IKZF1: variants seen among roughly 807,000 people sequenced by gnomAD.
The protein encoded by IKZF1 is DNA-binding protein Ikaros.
IKZF1 carries 10 observed loss-of-function variants against 51.7 expected under a neutral mutation model. The observed-to-expected ratio is 0.19, with a 90% confidence interval of 0.12 to 0.33. The LOEUF is 0.33. Ranked by LOEUF, IKZF1 falls within the 10% of genes least tolerant of loss-of-function variation. The pLI, the probability that IKZF1 is intolerant of heterozygous loss-of-function variation, is 1.00. For missense variants in IKZF1, 484 were observed against 707.5 expected (o/e 0.68, Z 3.58); for synonymous variants, 280 against 282.3 (o/e 0.99, Z 0.08).
chr7:50,376,201 G>A lies in IKZF1; in HGVS notation c.161-332G>A, dbSNP rs1810237497. On this transcript the variant is annotated intron_variant, in intron 3 of 7. Transcript: ENST00000331340. The surrounding 1 kb of genome is among the most constrained non-coding windows in gnomAD (Gnocchi z 4.5). The stretch of plus-strand genomic sequence containing the variant: ...TAGGAGTAGGCCTCAGACCACTCCT[G>A]ACGTGAACCTGCTTAAAGTGAGGGC... 6.6e-6 allele frequency among the ~76,000 whole-genome samples: 1 copy of A among 152,236 alleles called. No homozygotes were observed. Among genetic ancestry groups the A allele is most frequent in the Non-Finnish European group, 1.5e-5 (1 of 68,046 alleles).
intron 3 of IKZF1, among the ~76,000 whole-genome samples, chr7:50,361,347 T>C (rs888511188): frequency 2.6e-5 from 4 of 152,218 alleles, no homozygotes; most frequent in African/African-American, 9.6e-5. Flanking sequence ...TCAGCAAATA[T>C]CATTTTTACA....
rs558975920 is a variant in IKZF1 at position 50,330,691 on chromosome 7, T to C, written c.160+2934T>C. Among the ~76,000 whole-genome samples, 6 of 152,284 alleles carry C rather than the reference T, an allele frequency of 3.9e-5. No individual in the cohort carries two copies. The South Asian group carries it at 1.2e-3, about 32-fold the overall frequency. On this transcript the variant is annotated intron_variant, in intron 3 of 7. Coordinates refer to ENST00000331340, the MANE Select transcript of IKZF1 (RefSeq NM_006060.6). ...AATAAATGAAGTATGTAGAGAACAT[T>C]AGGAAACAATATAAAAAGGTAGGGG...
rs1818121637 is a variant in IKZF1 at position 50,401,502 on chromosome 7, C to T, written c.*875C>T. 8.9e-6 allele frequency: 2 copies of T among 224,648 alleles called. No individual in the cohort carries two copies. The highest frequency in any genetic ancestry group is 1.3e-4 in the East Asian group (2 of 15,756). 13.9% of individuals were successfully genotyped at this position (224,648 alleles called of 1,614,324 possible). A position where few individuals can be genotyped will look rare whatever the true frequency, so the allele number is the denominator to read the frequency against. ...TGTCACTACAATTTAAACACCAGTC[C>T]CGAAATTTGGATCTTCTTTCTTTTT... On this transcript the variant is annotated 3_prime_UTR_variant, in exon 8 of 8. Transcript: ENST00000331340.
intron 3 of IKZF1, among the ~76,000 whole-genome samples, chr7:50,361,677 A>C (rs975868004): frequency 1.3e-5 from 2 of 152,166 alleles, no homozygotes; most frequent in African/African-American, 4.8e-5. Context: ...AGAGATCGAG[A>C]CCATCCTGAC....
chr7:50,338,082 AT>A (rs1161956090), intron 3 of IKZF1, among the ~76,000 whole-genome samples: 2 of 152,162 alleles, frequency 1.3e-5, no homozygotes, highest in South Asian at 2.1e-4. Flanking sequence ...TGACATGTGA[AT>A]TTTAAAAAAA....
Position 50,402,869 on chromosome 7 carries a change from A to G in IKZF1, c.*2242A>G, listed in dbSNP as rs1818384374. On this transcript the variant is annotated 3_prime_UTR_variant, in exon 8 of 8. Transcript: ENST00000331340. ...CAGAGGATCAAGGGCTTTAGACAGC[A>G]CTCCTTCAATATGCAATCACAGAGA... 1.7e-5 allele frequency: 4 copies of G among 229,730 alleles called. No homozygotes were observed. The highest frequency in any genetic ancestry group is 3.5e-5 in the Non-Finnish European group (4 of 115,808). 14.2% of individuals were successfully genotyped at this position (229,730 alleles called of 1,614,324 possible). A position where few individuals can be genotyped will look rare whatever the true frequency, so the allele number is the denominator to read the frequency against.
chr7:50,399,930 T>C lies in IKZF1; in HGVS notation c.863T>C (p.Leu288Pro), dbSNP rs1283047391. The C allele has an allele frequency of 6.2e-7, 1 of 1,612,188 alleles. No homozygotes were observed. Among genetic ancestry groups the C allele is most frequent in the Admixed American group, 1.7e-5 (1 of 59,810 alleles). Residue 288 changes from leucine to proline, a missense_variant, in exon 8 of 8, where the codon CTG (leucine) becomes CCG (proline). By Grantham distance (98) the Leu-to-Pro change is moderately conservative (BLOSUM62 -3). Transcript: ENST00000331340. The stretch of plus-strand genomic sequence containing the variant: ...CTGCTTTCCACAGGGGACAAGGGCC[T>C]GTCCGACACGCCCTACGACAGCAGC... ...MPQKFLGDKG[L>P]SDTPYDSSAS...
intron 3 of IKZF1, chr7:50,368,611 A>T (rs933771051): frequency 2.3e-6 from 1 of 441,712 alleles, no homozygotes; most frequent in Non-Finnish European, 4.0e-6. Flanking sequence ...TGCCCGCAGG[A>T]CCTTCTCTGA....
chr7:50,387,517 C>T (rs2153488568), intron 6 of IKZF1, 47 bp downstream of exon 6: 1 of 1,564,174 alleles, frequency 6.4e-7, no homozygotes, highest in Non-Finnish European at 8.7e-7. Context: ...CTCCCCCCAG[C>T]ACGGTGGGGA....
At chr7:50,356,117 C>T (rs935151396) in intron 3 of IKZF1, among the ~76,000 whole-genome samples, 2 of 152,240 alleles carry the variant, frequency 1.3e-5, no homozygotes, top group Non-Finnish European at 2.9e-5. Context: ...GGTCCCTAAA[C>T]GCATCTACCC....
At chr7:50,303,520 G>T (rs1788068376), upstream of IKZF1, among the ~76,000 whole-genome samples, 1 of 152,180 alleles carries the variant, frequency 6.6e-6, no homozygotes, top group Non-Finnish European at 1.5e-5. This position sits in a 1 kb window ranked among gnomAD's most constrained non-coding sequence, Gnocchi z 4.7. Context: ...GTGAGCAGGT[G>T]GGAGGGAAGA....
intron 5 of IKZF1, 61 bp downstream of exon 5, chr7:50,382,768 C>T (rs533944697): frequency 1.3e-6 from 2 of 1,528,266 alleles, no homozygotes; most frequent in African/African-American, 2.7e-5. Context: ...CCACTCTGCC[C>T]GCCTGGGTCC....
intron 5 of IKZF1, among the ~76,000 whole-genome samples, chr7:50,383,714 C>T (rs1243098243): frequency 1.3e-5 from 2 of 152,238 alleles, no homozygotes; most frequent in Non-Finnish European, 2.9e-5. Flanking sequence ...CAAGCAGCAG[C>T]CTCTCTAAGC....
chr7:50,329,651 C>A (rs149778028), intron 3 of IKZF1, among the ~76,000 whole-genome samples: 1 of 151,958 alleles, frequency 6.6e-6, no homozygotes, highest in Non-Finnish European at 1.5e-5. Flanking sequence ...TTTTTTAGTC[C>A]CTGAAGCACC....
Position 50,316,463 on chromosome 7 carries a change from C to T in IKZF1, c.-14-2585C>T, listed in dbSNP as rs149261999. Among the ~76,000 whole-genome samples the T allele has an allele frequency of 3.0e-4, 45 of 152,326 alleles. No individual in the cohort carries two copies. In the East Asian group the frequency reaches 6.9e-3, roughly 23 times the overall value. On this transcript the variant is annotated intron_variant, in intron 1 of 7. Transcript: ENST00000331340. ...GGAGTGGAAATGTCCAGCAGGCCCA[C>T]GTGCGAAAATGCAGAGCTCTCTGGC...
intron 3 of IKZF1, among the ~76,000 whole-genome samples, chr7:50,348,883 T>C (rs1424499389): frequency 1.3e-5 from 2 of 152,182 alleles, no homozygotes; most frequent in Admixed American, 1.3e-4. Context: ...GTTTATGTTA[T>C]TTGGTCCTTG....
intron 3 of IKZF1, among the ~76,000 whole-genome samples, chr7:50,347,383 G>C (rs180943065): frequency 2.0e-5 from 3 of 152,284 alleles, no homozygotes; most frequent in Admixed American, 1.3e-4. Flanking sequence ...TGTCCTCCCT[G>C]TCTGCACAAG....
chr7:50,319,023 T>C (rs779685296), intron 1 of IKZF1, 25 bp from the exon 2 acceptor site: 3 of 1,548,550 alleles, frequency 1.9e-6, no homozygotes, highest in South Asian at 1.1e-5. Flanking sequence ...TGCTTTAAAC[T>C]AAAATCCCTT....
At chr7:50,392,420 C>T (rs926237842) in intron 7 of IKZF1, among the ~76,000 whole-genome samples, 1 of 152,162 alleles carries the variant, frequency 6.6e-6, no homozygotes, top group Non-Finnish European at 1.5e-5. Flanking sequence ...CAAGACCATT[C>T]GTCTCTCTAG....
Sources: allele counts gnomAD v4.1 joint callset (sites outside exome capture counted in the v4.1 genomes callset), GRCh38; gene constraint gnomAD v4.1.1; non-coding constraint Gnocchi (gnomAD v3.1); transcripts MANE v1.5; gene names NCBI Gene and HGNC (gene_info 2026-07-23, HGNC 2026-07-21).